LDAH: variants seen among roughly 807,000 people sequenced by gnomAD.
The protein encoded by LDAH is lipid droplet associated hydrolase.
Under a neutral mutation model 29.6 loss-of-function variants are expected in LDAH, and 26 were observed. The ratio of observed to expected loss-of-function variants is 0.88; its 90% confidence interval spans 0.64 to 1.22. The LOEUF is 1.22. LDAH is among the 50% of genes most tolerant of loss of function. The probability of loss-of-function intolerance (pLI) is 0.00; values close to 1 mark genes in which losing one functional copy is unlikely to be tolerated. For synonymous variants in LDAH, 117 were observed against 133.0 expected (o/e 0.88, Z 0.83); for missense variants, 344 against 387.3 (o/e 0.89, Z 0.94).
intron 2 of LDAH, among the ~76,000 whole-genome samples, chr2:20,800,601 CTAATTTT>C (rs1369933132): frequency 6.6e-6 from 1 of 151,946 alleles, no homozygotes; most frequent in African/African-American, 2.4e-5. Context: ...TCAGAATATT[CTAATTTT>C]TAATTTTTAT....
chr2:20,682,936 C>A (rs1662357304), downstream of LDAH, among the ~76,000 whole-genome samples: 1 of 152,188 alleles, frequency 6.6e-6, no homozygotes, highest in South Asian at 2.1e-4. Context: ...CTGGGGTGAG[C>A]AGCATACTCC....
chr2:20,774,666 A>T (rs1165044659), intron 4 of LDAH, 144 bp downstream of exon 4: 13 of 766,650 alleles, frequency 1.7e-5, no homozygotes, highest in Non-Finnish European at 2.9e-5. Flanking sequence ...TAATATGGAG[A>T]TAAGGATAAA....
At chr2:20,811,806 C>A (rs1267350886) in intron 1 of LDAH, among the ~76,000 whole-genome samples, 1 of 151,988 alleles carries the variant, frequency 6.6e-6, no homozygotes, top group Admixed American at 6.6e-5. Context: ...TTTAAGAGGA[C>A]TATGAAAGAC....
At chr2:20,819,797 T>C (rs904030914) in intron 1 of LDAH, among the ~76,000 whole-genome samples, 1 of 152,196 alleles carries the variant, frequency 6.6e-6, no homozygotes, top group Non-Finnish European at 1.5e-5. Context: ...TAAAGGGTAT[T>C]CAATTAGGAA....
At chr2:20,699,382 T>C (rs1663746472) in intron 6 of LDAH, among the ~76,000 whole-genome samples, 1 of 152,202 alleles carries the variant, frequency 6.6e-6, no homozygotes, top group Non-Finnish European at 1.5e-5. Flanking sequence ...TGTGCACTTT[T>C]AAGTTTCCTT....
At chr2:20,779,771 ACG>A (rs1670059250) in intron 3 of LDAH, among the ~76,000 whole-genome samples, 1 of 152,072 alleles carries the variant, frequency 6.6e-6, no homozygotes, top group Admixed American at 6.5e-5. Context: ...CTATTTTGCT[ACG>A]TTTTTAAAAA....
At chr2:20,802,023 C>T (rs116524033) in intron 1 of LDAH, among the ~76,000 whole-genome samples, 4,872 of 149,352 alleles carry the variant, frequency 0.033, 278 homozygotes, top group African/African-American at 0.11. Context: ...CATATACATA[C>T]ATATCCACAC....
chr2:20,695,084 G>A (rs747391238), intron 6 of LDAH, among the ~76,000 whole-genome samples: 33 of 152,270 alleles, frequency 2.2e-4, no homozygotes, highest in Non-Finnish European at 4.3e-4. Flanking sequence ...CTAACTGAGA[G>A]AAGGGCTAAG....
chr2:20,817,102 T>A (rs903877790), intron 1 of LDAH, among the ~76,000 whole-genome samples: 9 of 151,882 alleles, frequency 5.9e-5, no homozygotes, highest in African/African-American at 2.2e-4. Context: ...AATGCTTACG[T>A]TAGAAACAAA....
intron 2 of LDAH, among the ~76,000 whole-genome samples, chr2:20,793,224 G>T (rs1245638668): frequency 1.3e-5 from 2 of 152,064 alleles, no homozygotes; most frequent in Admixed American, 1.3e-4. Flanking sequence ...TAAAGAGTGT[G>T]AGAACTCCTA....
intron 1 of LDAH, among the ~76,000 whole-genome samples, chr2:20,807,368 A>G (rs1247472732): frequency 6.6e-6 from 1 of 152,154 alleles, no homozygotes; most frequent in Non-Finnish European, 1.5e-5. Context: ...AACTCATTTT[A>G]TGCAATCAGC....
chr2:20,753,335 T>A (rs1668092351), intron 4 of LDAH, among the ~76,000 whole-genome samples: 1 of 152,192 alleles, frequency 6.6e-6, no homozygotes. Context: ...CTTGGGCCCA[T>A]CTCCTTTTTC....
At chr2:20,736,763 C>A (rs114054728) in intron 5 of LDAH, among the ~76,000 whole-genome samples, 1,999 of 151,950 alleles carry the variant, frequency 0.013, 46 homozygotes, top group African/African-American at 0.046. Flanking sequence ...TAAATCTGCA[C>A]AACAAACTTG....
chr2:20,697,522 C>T (rs1036534516), intron 6 of LDAH, among the ~76,000 whole-genome samples: 1 of 152,310 alleles, frequency 6.6e-6, no homozygotes, highest in African/African-American at 2.4e-5. Flanking sequence ...AGCTGGCATA[C>T]ATTCTGATTG....
chr2:20,722,350 A>G (rs866252685), intron 5 of LDAH, among the ~76,000 whole-genome samples: 22 of 142,504 alleles, frequency 1.5e-4, no homozygotes, highest in Admixed American at 1.5e-4. Context: ...ACTGTACTCC[A>G]GCCTGGGCGA....
intron 4 of LDAH, among the ~76,000 whole-genome samples, chr2:20,743,398 C>A (rs1255724380): frequency 1.4e-5 from 2 of 142,770 alleles, no homozygotes; most frequent in African/African-American, 6.0e-5. Flanking sequence ...ATGTGCCATG[C>A]TGGTGCGCTG....
chr2:20,786,229 G>A (rs906855932), intron 3 of LDAH, among the ~76,000 whole-genome samples: 7 of 151,960 alleles, frequency 4.6e-5, no homozygotes, highest in African/African-American at 1.2e-4. Flanking sequence ...TCACTCTGTC[G>A]CCCAGGCTGG....
At chr2:20,810,444 T>G (rs1672389604) in intron 1 of LDAH, among the ~76,000 whole-genome samples, 1 of 152,194 alleles carries the variant, frequency 6.6e-6, no homozygotes, top group African/African-American at 2.4e-5. Context: ...CCATCAATAT[T>G]CAAAGACAGC....
Position 20,790,320 on chromosome 2 carries a change from C to T in LDAH, c.233G>A (p.Trp78Ter), listed in dbSNP as rs1337123037. Residue 78 changes from tryptophan (W) to a stop codon, truncating the protein, a stop_gained, in exon 3 of 7, where the codon TGG (tryptophan) becomes TAG (stop). Coordinates refer to ENST00000237822, the MANE Select transcript of LDAH (RefSeq NM_021925.4). LOFTEE classifies it high-confidence loss of function. ...CGCATGCCCAGCATGACTGATAGTC[C>T]AAACTGGAAAGCGTCTGTTTGTCAA... ...YSLTNRRFPV[W>*]TISHAGHALA... 6.2e-7 allele frequency: 1 copy of T among 1,613,998 alleles called. No individual in the cohort carries two copies. Among genetic ancestry groups the T allele is most frequent in the East Asian group, 2.2e-5 (1 of 44,892 alleles).
Sources: allele counts gnomAD v4.1 joint callset (sites outside exome capture counted in the v4.1 genomes callset), GRCh38; gene constraint gnomAD v4.1.1; transcripts MANE v1.5; gene names NCBI Gene and HGNC (gene_info 2026-07-23, HGNC 2026-07-21).